Variants in MCCC2 observed in about 807,000 individuals in gnomAD.
MCCC2 encodes methylcrotonoyl-CoA carboxylase beta chain, mitochondrial.
Under a neutral mutation model 77.2 loss-of-function variants are expected in MCCC2, and 52 were observed. The observed-to-expected ratio is 0.67, with a 90% CI of 0.54 to 0.85. The LOEUF (loss-of-function observed/expected upper bound fraction) is 0.85. MCCC2 is among the 40% of genes least tolerant of loss of function. The probability of loss-of-function intolerance (pLI) is 0.00; values close to 1 mark genes in which losing one functional copy is unlikely to be tolerated. For missense variants in MCCC2, 682 were observed against 703.2 expected (o/e 0.97, Z 0.34); for synonymous variants, 253 against 248.4 (o/e 1.02, Z -0.18).
chr5:71,610,153 G>T (rs955011897), intron 6 of MCCC2, among the ~76,000 whole-genome samples: 1 of 152,204 alleles, frequency 6.6e-6, no homozygotes, highest in Non-Finnish European at 1.5e-5. Flanking sequence ...AATGGCGAGC[G>T]CCCCTCCCCC....
intron 5 of MCCC2, 79 bp from the exon 6 acceptor site, chr5:71,604,277 C>A: frequency 1.7e-6 from 2 of 1,187,904 alleles, no homozygotes; most frequent in Non-Finnish European, 2.5e-6. Flanking sequence ...AGAACTGATG[C>A]TGTCATTGAT....
At chr5:71,626,880 G>C in intron 7 of MCCC2, 127 bp downstream of exon 7, 1 of 917,214 alleles carries the variant, frequency 1.1e-6, no homozygotes, top group Middle Eastern at 2.9e-4. Flanking sequence ...ACTTACTGTT[G>C]TAACCGTTTT....
chr5:71,607,740 T>G (rs570198757), intron 6 of MCCC2, among the ~76,000 whole-genome samples: 50 of 151,184 alleles, frequency 3.3e-4, no homozygotes, highest in African/African-American at 1.1e-3. Flanking sequence ...CTCTACACAC[T>G]GTTTGAATGC....
At chr5:71,648,415 T>C (rs989478412) in intron 13 of MCCC2, among the ~76,000 whole-genome samples, 1 of 152,180 alleles carries the variant, frequency 6.6e-6, no homozygotes, top group Non-Finnish European at 1.5e-5. Context: ...AAGGATCCTC[T>C]ATTGAAATGG....
chr5:71,637,623 G>A (rs1391465256), intron 10 of MCCC2, among the ~76,000 whole-genome samples: 1 of 152,180 alleles, frequency 6.6e-6, no homozygotes, highest in East Asian at 1.9e-4. Flanking sequence ...TTTCTTAAAA[G>A]AAGACAACAA....
chr5:71,588,200 C>T (rs566672999), intron 1 of MCCC2, among the ~76,000 whole-genome samples: 3 of 146,534 alleles, frequency 2.0e-5, no homozygotes, highest in African/African-American at 7.6e-5. Flanking sequence ...ACTTGGGAGG[C>T]GGAGGTTGCA....
intron 10 of MCCC2, among the ~76,000 whole-genome samples, chr5:71,637,089 T>G (rs1004189741): frequency 2.0e-5 from 3 of 152,232 alleles, no homozygotes; most frequent in African/African-American, 7.2e-5. Flanking sequence ...TTATAGCTTT[T>G]AAGTTCAGCT....
In MCCC2 at chr5:71,629,203, C is replaced by CAA. The variant is rs11461767; in HGVS notation, c.738+2461_738+2462dup. Reference sequence around the variant, plus strand: ...TGGGCAACAGAGCGAGACTCCATCTCAAAAAAAAAAAAGAAAGAAAGAAAC... The same window carrying CAA: ...TGGGCAACAGAGCGAGACTCCATCTCAAAAAAAAAAAAAAGAAAGAAAGAAAC... On this transcript the variant is annotated intron_variant, in intron 7 of 16. Transcript: ENST00000340941. Among the ~76,000 whole-genome samples, 150 of 139,212 alleles carry CAA rather than the reference C, an allele frequency of 1.1e-3. 1 individual carries two copies. The highest frequency in any genetic ancestry group is 3.8e-3 in the East Asian group (18 of 4,694). 91.3% of individuals were successfully genotyped at this position (139,212 alleles called of 152,430 possible).
chr5:71,589,267 C>T (rs1254851921), intron 1 of MCCC2, among the ~76,000 whole-genome samples: 1 of 152,204 alleles, frequency 6.6e-6, no homozygotes, highest in African/African-American at 2.4e-5. Context: ...TATGAATCAC[C>T]TTTTGCTAGG....
chr5:71,606,066 T>C (rs1213845460), intron 6 of MCCC2, among the ~76,000 whole-genome samples: 2 of 152,176 alleles, frequency 1.3e-5, no homozygotes, highest in African/African-American at 2.4e-5. Context: ...GGGCTCTTTT[T>C]TGGTTCCATG....
At chr5:71,617,124 C>T (rs1238737416) in intron 6 of MCCC2, among the ~76,000 whole-genome samples, 3 of 152,220 alleles carry the variant, frequency 2.0e-5, no homozygotes, top group Non-Finnish European at 4.4e-5. Flanking sequence ...CCTTATTGCT[C>T]CTGGACCCTA....
At chr5:71,636,855 T>C (rs1746949706) in intron 10 of MCCC2, 1 of 152,024 alleles carries the variant, frequency 6.6e-6, no homozygotes, top group South Asian at 2.1e-4. Flanking sequence ...GCGATTCTCC[T>C]GCCTCAGCCT....
intron 8 of MCCC2, 56 bp downstream of exon 8, chr5:71,632,241 T>C: frequency 6.4e-7 from 1 of 1,574,094 alleles, no homozygotes; most frequent in African/African-American, 1.3e-5. Flanking sequence ...GTTTGTTTGT[T>C]TAAAAGAAGT....
intron 6 of MCCC2, among the ~76,000 whole-genome samples, chr5:71,621,268 A>T (rs192758762): frequency 6.6e-6 from 1 of 152,106 alleles, no homozygotes; most frequent in Non-Finnish European, 1.5e-5. Flanking sequence ...GCTTCTTAGG[A>T]TGCTGAGAGG....
At chr5:71,600,437 T>G (rs1466595578) in intron 4 of MCCC2, among the ~76,000 whole-genome samples, 1 of 152,116 alleles carries the variant, frequency 6.6e-6, no homozygotes, top group East Asian at 1.9e-4. Context: ...TATAATTTTT[T>G]TTTTTTGAGT....
intron 8 of MCCC2, 98 bp from the exon 9 acceptor site, chr5:71,634,845 T>C (rs1746862185): frequency 9.5e-7 from 1 of 1,052,484 alleles, no homozygotes; most frequent in Non-Finnish European, 1.4e-6. Flanking sequence ...GAAGTAAAAG[T>C]GCTGTCATCT....
intron 1 of MCCC2, among the ~76,000 whole-genome samples, chr5:71,588,253 G>A (rs919092731): frequency 7.3e-6 from 1 of 137,566 alleles, no homozygotes; most frequent in Admixed American, 7.5e-5. Flanking sequence ...TTGGCAACAA[G>A]AGCGAACTCT....
intron 1 of MCCC2, among the ~76,000 whole-genome samples, chr5:71,592,339 C>T (rs1199642760): frequency 1.3e-5 from 2 of 152,016 alleles, no homozygotes; most frequent in Non-Finnish European, 2.9e-5. Context: ...CGAGATTGCA[C>T]CATTGCACTC....
intron 1 of MCCC2, among the ~76,000 whole-genome samples, chr5:71,590,164 T>A (rs1394297358): frequency 6.6e-6 from 1 of 152,078 alleles, no homozygotes; most frequent in Non-Finnish European, 1.5e-5. Context: ...GAGATCAAGA[T>A]TTGCCAAATG....
Sources: gnomAD v4.1 joint callset for allele counts (sites outside exome capture counted in the v4.1 genomes callset) on GRCh38, gnomAD v4.1.1 for gene constraint, MANE v1.5 for transcripts, NCBI Gene and HGNC (gene_info 2026-07-23, HGNC 2026-07-21) for gene names.